EYS: variants seen among roughly 807,000 people sequenced by gnomAD.
EYS encodes the protein EGF-like photoreceptor maintenance factor.
Under a neutral mutation model 282.1 loss-of-function variants are expected in EYS, and 250 were observed. The observed-to-expected ratio is 0.89, with a 90% CI of 0.80 to 0.98. The LOEUF is 0.98. EYS is among the 50% of genes least tolerant of loss of function. The pLI, the probability that EYS is intolerant of heterozygous loss-of-function variation, is 0.00. For missense variants in EYS, 4,016 were observed against 3,709.0 expected (o/e 1.08, Z -2.15); for synonymous variants, 1,355 against 1,282.9 (o/e 1.06, Z -1.20).
chr6:64,686,105 A>T (rs1164629929), intron 22 of EYS, among the ~76,000 whole-genome samples: 1 of 106,790 alleles, frequency 9.4e-6, no homozygotes, highest in African/African-American at 5.3e-5. Flanking sequence ...TAAAAACATT[A>T]AAAAAAAACA....
At position 65,495,776 on chromosome 6, in the gene EYS, A is replaced by T. The variant is rs13217899; in HGVS notation, c.-198+83T>A. 0.11 allele frequency: 35,345 copies of T among 312,692 alleles called. 2,522 individuals carry two copies. Among genetic ancestry groups the T allele is most frequent in the South Asian group, 0.19 (5,614 of 29,622 alleles). The allele number at this position is 312,692 out of a possible 1,614,324, so 19.4% of individuals were successfully genotyped here. ...GAAGGCCAAGAAAAACATGATCAAG[A>T]TATGTTGATCTGGTCAAGCTTTATA... On this transcript the variant is annotated intron_variant, in intron 3 of 42. Coordinates refer to ENST00000503581, the MANE Select transcript of EYS (RefSeq NM_001142800.2).
intron 26 of EYS, among the ~76,000 whole-genome samples, chr6:64,442,408 A>T (rs749281254): frequency 6.6e-6 from 1 of 152,174 alleles, no homozygotes; most frequent in Non-Finnish European, 1.5e-5. Flanking sequence ...TGACAATGCG[A>T]TAGAAAAGAA....
Position 64,398,614 on chromosome 6 carries a change from A to C in EYS, c.5928-9774T>G, listed in dbSNP as rs374801452. On this transcript the variant is annotated intron_variant, in intron 28 of 42. Coordinates refer to ENST00000503581, the MANE Select transcript of EYS (RefSeq NM_001142800.2). ...AAACACATTTATCCAGGTTTATAAT[A>C]CATTTAGAATAAATATAATAAAACA... 8.5e-5 allele frequency among the ~76,000 whole-genome samples: 13 copies of C among 152,048 alleles called. No individual in the cohort carries two copies. In the East Asian group the frequency reaches 2.3e-3, roughly 27 times the overall value.
At chr6:64,856,851 C>A (rs1376141339) in intron 19 of EYS, among the ~76,000 whole-genome samples, 1 of 151,924 alleles carries the variant, frequency 6.6e-6, no homozygotes, top group Non-Finnish European at 1.5e-5. Flanking sequence ...CCCTAGGTAA[C>A]TTAGGTTAAT....
At chr6:64,349,297 G>A (rs933315997) in intron 29 of EYS, among the ~76,000 whole-genome samples, 5 of 150,976 alleles carry the variant, frequency 3.3e-5, no homozygotes, top group Admixed American at 3.3e-4. Context: ...TAATACAAAT[G>A]ACATATAATA....
intron 30 of EYS, among the ~76,000 whole-genome samples, chr6:64,254,951 T>C (rs1767341961): frequency 6.6e-6 from 1 of 152,118 alleles, no homozygotes; most frequent in African/African-American, 2.4e-5. Context: ...GGAAATTTGA[T>C]GTTAAAGATG....
chr6:65,271,128 T>TTATATATGTATATATATA (rs1554174614), intron 12 of EYS, among the ~76,000 whole-genome samples: 1 of 55,788 alleles, frequency 1.8e-5, no homozygotes, highest in African/African-American at 5.3e-5. Flanking sequence ...AATCAATAGA[T>TTATATATGTATATATATA]TATATATATA....
chr6:65,646,670 C>G (rs1767461766), intron 1 of EYS, among the ~76,000 whole-genome samples: 1 of 152,134 alleles, frequency 6.6e-6, no homozygotes, highest in Non-Finnish European at 1.5e-5. Flanking sequence ...GAAGTTCTAG[C>G]TAGAGCAATC....
intron 12 of EYS, among the ~76,000 whole-genome samples, chr6:65,158,153 T>A (rs993395471): frequency 2.0e-5 from 3 of 150,894 alleles, no homozygotes; most frequent in African/African-American, 7.3e-5. Flanking sequence ...TAAGCAGTTG[T>A]CTACAACATA....
At chr6:65,633,807 T>C (rs1767000331) in intron 2 of EYS, among the ~76,000 whole-genome samples, 1 of 152,196 alleles carries the variant, frequency 6.6e-6, no homozygotes, top group African/African-American at 2.4e-5. Flanking sequence ...TAAATAAAGT[T>C]TATTAAAACA....
At chr6:65,623,976 T>C (rs1766611336) in intron 2 of EYS, among the ~76,000 whole-genome samples, 1 of 152,190 alleles carries the variant, frequency 6.6e-6, no homozygotes, top group Non-Finnish European at 1.5e-5. Flanking sequence ...TATTCCTAAA[T>C]AATTAACTAC....
At chr6:65,542,439 C>CA (rs1768201195) in intron 2 of EYS, among the ~76,000 whole-genome samples, 1 of 149,550 alleles carries the variant, frequency 6.7e-6, no homozygotes, top group Non-Finnish European at 1.5e-5. Flanking sequence ...GGAGATTTTT[C>CA]AAAAAAATAA....
At chr6:64,962,872 A>T (rs1769971633) in intron 14 of EYS, among the ~76,000 whole-genome samples, 1 of 152,208 alleles carries the variant, frequency 6.6e-6, no homozygotes, top group Admixed American at 6.5e-5. Context: ...AAACATTTGT[A>T]TCAAGAACAC....
Position 65,221,577 on chromosome 6 carries a change from T to C in EYS, c.2023+74286A>G, listed in dbSNP as rs150564175. Among the ~76,000 whole-genome samples, 5 of 152,288 alleles carry C rather than the reference T, an allele frequency of 3.3e-5. No individual in the cohort carries two copies. The East Asian group carries it at 9.7e-4, about 29-fold the overall frequency. On this transcript the variant is annotated intron_variant, in intron 12 of 42. Coordinates refer to ENST00000503581, the MANE Select transcript of EYS (RefSeq NM_001142800.2). ...AAACACCTGGATATCTGGGCAGAAG[T>C]TTGCTGCAGGGGCAGGGCCCTCATG...
chr6:64,239,032 C>G (rs1365658742), intron 30 of EYS, among the ~76,000 whole-genome samples: 1 of 151,956 alleles, frequency 6.6e-6, no homozygotes, highest in Admixed American at 6.6e-5. Context: ...GTTAGTTTGC[C>G]GAGAATGATG....
chr6:64,335,615 T>G (rs894382326), intron 29 of EYS, among the ~76,000 whole-genome samples: 1 of 152,110 alleles, frequency 6.6e-6, no homozygotes, highest in Non-Finnish European at 1.5e-5. Flanking sequence ...ATCACTTCAA[T>G]TTAATAAATT....
intron 36 of EYS, among the ~76,000 whole-genome samples, chr6:63,831,803 C>T (rs1771646476): frequency 6.6e-6 from 1 of 152,072 alleles, no homozygotes; most frequent in Admixed American, 6.6e-5. Context: ...CAAAATTGAC[C>T]ACATATTTGG....
chr6:64,928,636 C>G (rs529838512), intron 15 of EYS, among the ~76,000 whole-genome samples: 2 of 152,172 alleles, frequency 1.3e-5, no homozygotes, highest in African/African-American at 4.8e-5. Flanking sequence ...AACAATTCAT[C>G]ATCTTTAAAA....
At chr6:64,938,905 G>A (rs967715292) in intron 15 of EYS, among the ~76,000 whole-genome samples, 4 of 151,644 alleles carry the variant, frequency 2.6e-5, no homozygotes, top group African/African-American at 7.3e-5. Context: ...CATCCACTGG[G>A]GGTCTTGGAA....
Sources: gnomAD v4.1 joint callset for allele counts (sites outside exome capture counted in the v4.1 genomes callset) on GRCh38, gnomAD v4.1.1 for gene constraint, MANE v1.5 for transcripts, NCBI Gene and HGNC (gene_info 2026-07-23, HGNC 2026-07-21) for gene names.